The following R3HCC1L variants were observed in gnomAD, a reference collection of about 807,000 sequenced individuals.
The protein encoded by R3HCC1L is coiled-coil domain-containing protein R3HCC1L.
R3HCC1L carries 51 observed loss-of-function variants against 59.9 expected under a neutral mutation model. The ratio of observed to expected loss-of-function variants is 0.85; its 90% CI spans 0.68 to 1.07. The LOEUF (loss-of-function observed/expected upper bound fraction) is 1.07, where lower values mean the gene tolerates loss of function less well. Ranked by LOEUF, R3HCC1L falls within the 50% of genes least tolerant of loss-of-function variation. The pLI is 0.00. For missense variants in R3HCC1L, 965 were observed against 933.0 expected (o/e 1.03, Z -0.45); for synonymous variants, 322 against 315.2 (o/e 1.02, Z -0.23).
Position 98,208,922 on chromosome 10 carries a change from C to A in R3HCC1L, c.808C>A (p.Pro270Thr), listed in dbSNP as rs377430758. The change falls in exon 5 of 10, where the codon CCT becomes ACT. Residue 270 changes from proline to threonine, a missense_variant. Coordinates refer to ENST00000298999, the MANE Select transcript of R3HCC1L (RefSeq NM_001351015.2). ...CGGAGGCATCACCACTACTTCTGTT[C>A]CTGGAAGTCCAGATGGTGTCTTTGA... Reference protein sequence around the residue: ...SSGGITTTSVPGSPDGVFDQT... With the variant: ...SSGGITTTSVTGSPDGVFDQT... 2.2e-5 allele frequency: 35 copies of A among 1,614,022 alleles called. No homozygotes were observed. The highest frequency in any genetic ancestry group is 2.5e-5 in the Non-Finnish European group (30 of 1,179,954).
At chr10:98,199,573 A>G (rs1590675035) in intron 4 of R3HCC1L, among the ~76,000 whole-genome samples, 1 of 151,868 alleles carries the variant, frequency 6.6e-6, no homozygotes, top group African/African-American at 2.4e-5. Context: ...CTGCTCTCCC[A>G]GTTGTAATCA....
chr10:98,241,023 A>C (rs1857478506), intron 9 of R3HCC1L, among the ~76,000 whole-genome samples: 1 of 152,178 alleles, frequency 6.6e-6, no homozygotes, highest in Non-Finnish European at 1.5e-5. Context: ...TCTACTCTCT[A>C]GAGTTAAATG....
In R3HCC1L at chr10:98,209,522, G is replaced by C; in HGVS notation, c.1408G>C (p.Ala470Pro). The C allele has an allele frequency of 6.2e-7, 1 of 1,613,756 alleles. No individual in the cohort carries two copies. Among genetic ancestry groups the C allele is most frequent in the South Asian group, 1.1e-5 (1 of 91,072 alleles). Residue 470 changes from alanine to proline, a missense_variant, in exon 5 of 10, where the codon GCT becomes CCT. Physicochemically the swap from Ala to Pro is conservative, Grantham distance 27. Transcript: ENST00000298999. ...GTTGATAGAGAGCTTGTCAGATTGT[G>C]CTTCCTCCTTACCTATAAAAAAGAT... ...GKLIESLSDC[A>P]SSLPIKKIAG...
chr10:98,188,271 T>C (rs964906623), intron 4 of R3HCC1L, among the ~76,000 whole-genome samples: 1 of 152,198 alleles, frequency 6.6e-6, no homozygotes, highest in Non-Finnish European at 1.5e-5. Context: ...CAAGGAGTTG[T>C]AGGTATGATT....
intron 9 of R3HCC1L, among the ~76,000 whole-genome samples, chr10:98,240,797 AT>A (rs11442554): frequency 1.6e-3 from 207 of 133,308 alleles, no homozygotes; most frequent in African/African-American, 4.4e-3. Context: ...TTCTAACCAC[AT>A]TTTTTTTTTT....
chr10:98,164,647 C>T (rs1255616716), intron 4 of R3HCC1L, among the ~76,000 whole-genome samples: 1 of 152,064 alleles, frequency 6.6e-6, no homozygotes, highest in African/African-American at 2.4e-5. Flanking sequence ...GCTGTACTAA[C>T]ACACTGTGCT....
intron 1 of R3HCC1L, among the ~76,000 whole-genome samples, chr10:98,138,215 T>C (rs180716751): frequency 3.5e-4 from 54 of 152,340 alleles, no homozygotes; most frequent in African/African-American, 1.3e-3. Flanking sequence ...TTTACTCTCT[T>C]TTTTGATGTG....
At chr10:98,196,795 G>A (rs1014914280) in intron 4 of R3HCC1L, among the ~76,000 whole-genome samples, 2 of 152,156 alleles carry the variant, frequency 1.3e-5, no homozygotes, top group African/African-American at 2.4e-5. Flanking sequence ...GCAAAAGTAA[G>A]TCAGATCATG....
chr10:98,139,042 G>A (rs1844864294), intron 1 of R3HCC1L, among the ~76,000 whole-genome samples: 1 of 152,068 alleles, frequency 6.6e-6, no homozygotes, highest in Non-Finnish European at 1.5e-5. Context: ...TCAATGATCA[G>A]TGTGTTTCTT....
chr10:98,135,415 C>T (rs1035021792), intron 1 of R3HCC1L, among the ~76,000 whole-genome samples: 1 of 152,160 alleles, frequency 6.6e-6, no homozygotes, highest in African/African-American at 2.4e-5. Flanking sequence ...GGTTAATGTT[C>T]TTTGCCCTGC....
intron 4 of R3HCC1L, among the ~76,000 whole-genome samples, chr10:98,170,933 C>G (rs184510533): frequency 6.6e-6 from 1 of 152,332 alleles, no homozygotes; most frequent in East Asian, 1.9e-4. Flanking sequence ...GTCAGCTATT[C>G]ATCCAATTTT....
At chr10:98,204,580 G>C (rs1852421090) in intron 4 of R3HCC1L, among the ~76,000 whole-genome samples, 1 of 152,082 alleles carries the variant, frequency 6.6e-6, no homozygotes, top group Non-Finnish European at 1.5e-5. Context: ...ATGCAATAAG[G>C]CTTTAAATTA....
Position 98,238,972 on chromosome 10 carries a change from T to A in R3HCC1L, c.2269+2808T>A, listed in dbSNP as rs559710157. Among the ~76,000 whole-genome samples, 4 of 152,270 alleles carry A rather than the reference T, an allele frequency of 2.6e-5. No individual in the cohort carries two copies. In the South Asian group the frequency reaches 8.3e-4, roughly 32 times the overall value. ...TTCTAACAACTTTAACGCTAAAGAT[T>A]AGGGGCAGATTGTTTAGAAATGAGG... On this transcript the variant is annotated intron_variant, in intron 9 of 9. Transcript: ENST00000298999.
At chr10:98,149,935 G>C (rs1292636886) in intron 1 of R3HCC1L, among the ~76,000 whole-genome samples, 1 of 152,084 alleles carries the variant, frequency 6.6e-6, no homozygotes, top group Non-Finnish European at 1.5e-5. Context: ...TATTGTTACT[G>C]TATTGCAGTC....
At position 98,244,170 on chromosome 10, in the gene R3HCC1L, T is replaced by C. The variant is rs908656318; in HGVS notation, c.*12T>C. 5.0e-6 allele frequency: 8 copies of C among 1,610,890 alleles called. No individual in the cohort carries two copies. The highest frequency in any genetic ancestry group is 1.3e-5 in the African/African-American group (1 of 74,824). ...AGTCTACAGTTTGAACATCACTCAATGAAAGGGATAATTCCATGAATCAGA... is the reference window on the plus strand; with the variant it reads ...AGTCTACAGTTTGAACATCACTCAACGAAAGGGATAATTCCATGAATCAGA... On this transcript the variant is annotated 3_prime_UTR_variant, in exon 10 of 10. Coordinates refer to ENST00000298999, the MANE Select transcript of R3HCC1L (RefSeq NM_001351015.2).
chr10:98,186,243 T>C (rs1474237423), intron 4 of R3HCC1L, among the ~76,000 whole-genome samples: 1 of 152,146 alleles, frequency 6.6e-6, no homozygotes, highest in Non-Finnish European at 1.5e-5. Context: ...ATGTAAGTCA[T>C]GGTAAATGAA....
At chr10:98,167,008 A>G (rs1012422029) in intron 4 of R3HCC1L, among the ~76,000 whole-genome samples, 2 of 152,126 alleles carry the variant, frequency 1.3e-5, no homozygotes, top group African/African-American at 2.4e-5. Flanking sequence ...TGTCAATACA[A>G]TATGTGCACT....
intron 7 of R3HCC1L, among the ~76,000 whole-genome samples, chr10:98,235,053 C>CAAAGTAAATA (rs1200561057): frequency 4.6e-5 from 7 of 152,142 alleles, no homozygotes; most frequent in African/African-American, 1.7e-4. Context: ...CTATAAAGGA[C>CAAAGTAAATA]CAAACAGTAA....
chr10:98,135,742 C>G (rs1211253438), intron 1 of R3HCC1L, among the ~76,000 whole-genome samples: 3 of 152,194 alleles, frequency 2.0e-5, no homozygotes, highest in Non-Finnish European at 4.4e-5. Context: ...TTAGACTCTT[C>G]TTCCTCAGCA....
Sources: allele counts gnomAD v4.1 joint callset (sites outside exome capture counted in the v4.1 genomes callset), GRCh38; gene constraint gnomAD v4.1.1; transcripts MANE v1.5; gene names NCBI Gene and HGNC (gene_info 2026-07-23, HGNC 2026-07-21).